Variants in CCAR2 observed in about 807,000 individuals in gnomAD.
CCAR2 encodes the protein cell cycle and apoptosis regulator protein 2.
In CCAR2, 21 loss-of-function variants were observed where a neutral mutation model predicts 108.1. The observed-to-expected ratio is 0.19, with a 90% CI of 0.14 to 0.28. The LOEUF (loss-of-function observed/expected upper bound fraction) is 0.28. CCAR2 is among the 10% of genes least tolerant of loss of function. The probability of loss-of-function intolerance (pLI) is 1.00; values close to 1 mark genes in which losing one functional copy is unlikely to be tolerated. For synonymous variants in CCAR2, 577 were observed against 472.8 expected (o/e 1.22, Z -2.86); for missense variants, 1,126 against 1,177.0 (o/e 0.96, Z 0.63).
Position 22,606,067 on chromosome 8 carries a change from G to A in CCAR2, c.59-18G>A, listed in dbSNP as rs758394879. The A allele has an allele frequency of 6.3e-5, 101 of 1,606,682 alleles. No individual in the cohort carries two copies. Among genetic ancestry groups the A allele is most frequent in the Non-Finnish European group, 8.0e-5 (94 of 1,173,346 alleles). On this transcript the variant is annotated intron_variant, in intron 2 of 20. Transcript: ENST00000308511. ...GTGGTAGGGGCGGTTCCTGGAGATTGCTTCTCTTTCCCCATAGGCACAGCT... is the reference window on the plus strand; with the variant it reads ...GTGGTAGGGGCGGTTCCTGGAGATTACTTCTCTTTCCCCATAGGCACAGCT...
intron 14 of CCAR2, among the ~76,000 whole-genome samples, chr8:22,617,001 C>CCT (rs1018544678): frequency 2.6e-4 from 38 of 148,358 alleles, no homozygotes; most frequent in African/African-American, 9.0e-4. Context: ...CCTGCCTCAG[C>CCT]CTCTCTCCAG....
In CCAR2 at chr8:22,616,144, G is replaced by A. The variant is rs767079535; in HGVS notation, c.1741G>A (p.Glu581Lys). 1 of 1,613,968 alleles carries A rather than the reference G, an allele frequency of 6.2e-7. No individual in the cohort carries two copies. Residue 581 changes from glutamate (E) to lysine (K), a missense_variant, in exon 14 of 21, where the codon GAA becomes AAA. Glu to Lys is a moderately conservative substitution (Grantham distance 56). Coordinates refer to ENST00000308511, the MANE Select transcript of CCAR2 (RefSeq NM_001393997.1). ...PEPEKEEAAK[E>K]EATKEEEAIK... is the part of the protein sequence containing the mutation. ...ACCTGAGAAGGAGGAGGCGGCCAAG[G>A]AAGAAGCCACCAAGGAGGAAGAAGC...
chr8:22,606,217 A>T (rs761908120), intron 3 of CCAR2, 41 bp downstream of exon 3: 2 of 1,432,620 alleles, frequency 1.4e-6, no homozygotes, highest in Admixed American at 1.7e-5. Flanking sequence ...AGCCCTTGGG[A>T]CTGAATGCAT....
chr8:22,605,803 C>T lies in CCAR2; in HGVS notation c.30C>T (p.Asn10=). 6.2e-7 allele frequency: 1 copy of T among 1,614,076 alleles called. No homozygotes were observed. The highest frequency in any genetic ancestry group is 8.5e-7 in the Non-Finnish European group (1 of 1,179,968). The change falls in exon 2 of 21, where the codon AAC becomes AAT. Residue 10 remains asparagine (N), a synonymous_variant. Coordinates refer to ENST00000308511, the MANE Select transcript of CCAR2 (RefSeq NM_001393997.1). MSQFKRQRI[N]PLPGGRNFSG... ...CCCAGTTTAAGCGCCAGCGGATCAA[C>T]CCGCTTCCAGGGGGACGCAACTTCT...
At position 22,607,178 on chromosome 8, in the gene CCAR2, C is replaced by T. The variant is rs201656204; in HGVS notation, c.358-18C>T. 6.2e-7 allele frequency: 1 copy of T among 1,613,204 alleles called. No homozygotes were observed. The highest frequency in any genetic ancestry group is 1.3e-5 in the African/African-American group (1 of 74,978). Reference sequence around the variant, plus strand: ...TCAACCATGGGGTCCCCTGAATTTCCTGGCTCCTGTTCTGCAGCCCCTACT... The same window carrying T: ...TCAACCATGGGGTCCCCTGAATTTCTTGGCTCCTGTTCTGCAGCCCCTACT... On this transcript the variant is annotated intron_variant, in intron 5 of 20. Transcript: ENST00000308511.
chr8:22,606,725 G>A, intron 4 of CCAR2, 27 bp downstream of exon 4: 2 of 1,582,008 alleles, frequency 1.3e-6, no homozygotes, highest in South Asian at 2.2e-5. Context: ...TCCCCTAACG[G>A]AAATGCTTAT....
At chr8:22,605,453 G>GC (rs1801031778) in intron 1 of CCAR2, 1 of 286,914 alleles carries the variant, frequency 3.5e-6, no homozygotes, top group Admixed American at 4.9e-5. Flanking sequence ...TGGTTATGTG[G>GC]CCCCGGGCAA....
Position 22,617,290 on chromosome 8 carries a change from G to A in CCAR2, c.1846-130G>A, listed in dbSNP as rs958084972. ...CTTAATGAAATTAAATACATGAAAT[G>A]AGACGGTATCTGTAGAGCCCTCCAT... is the stretch of plus-strand genomic sequence containing the variant. On this transcript the variant is annotated intron_variant, in intron 14 of 20. Transcript: ENST00000308511. The A allele has an allele frequency of 7.6e-5, 78 of 1,026,840 alleles. 1 individual carries two copies. In the African/African-American group the frequency reaches 1.2e-3, roughly 16 times the overall value. The allele number at this position is 1,026,840 out of a possible 1,614,324, so 63.6% of individuals were successfully genotyped here.
downstream of CCAR2, chr8:22,620,976 G>T (rs77451021): frequency 5.6e-4 from 89 of 157,592 alleles, no homozygotes; most frequent in African/African-American, 2.1e-3. Context: ...ACAGGGTTCA[G>T]GGCCTCTCCC....
Position 22,619,367 on chromosome 8 carries a change from G to A in CCAR2, c.2727+12G>A, listed in dbSNP as rs779609977. On this transcript the variant is annotated intron_variant, in intron 20 of 20. Transcript: ENST00000308511. The stretch of plus-strand genomic sequence containing the variant: ...GGGTGGTGGAAAAGGTAAGGTGGGG[G>A]TGGACCAGGAGGCAGCACAGCTCCT... The A allele has an allele frequency of 6.4e-7, 1 of 1,553,664 alleles. No individual in the cohort carries two copies. Among genetic ancestry groups the A allele is most frequent in the East Asian group, 2.4e-5 (1 of 41,360 alleles).
intron 8 of CCAR2, 75 bp from the exon 9 acceptor site, chr8:22,614,017 T>C: frequency 7.0e-7 from 1 of 1,422,270 alleles, no homozygotes; most frequent in South Asian, 1.2e-5. Context: ...CGCCCATTTT[T>C]TCAAATCTTT....
At position 22,618,499 on chromosome 8, in the gene CCAR2, C is replaced by A. The variant is rs1563927541; in HGVS notation, c.2220+4C>A. Reference sequence around the variant, plus strand: ...GATCCGGCTCAGTGCAGAGCAGGTACCTTCTTTCCTCTGCCCCAGCACATG... The same window carrying A: ...GATCCGGCTCAGTGCAGAGCAGGTAACTTCTTTCCTCTGCCCCAGCACATG... On this transcript the variant is annotated splice_donor_region_variant and intron_variant, in intron 17 of 20. Transcript: ENST00000308511. 6.8e-6 allele frequency: 11 copies of A among 1,614,084 alleles called. No homozygotes were observed. Among genetic ancestry groups the A allele is most frequent in the Middle Eastern group, 3.3e-4 (2 of 6,084 alleles).
At chr8:22,605,081 A>C in intron 1 of CCAR2, 1 of 236,568 alleles carries the variant, frequency 4.2e-6, no homozygotes, top group Non-Finnish European at 8.5e-6. Context: ...CTGCTGGGAG[A>C]CCCGGCGCTG....
intron 10 of CCAR2, 34 bp downstream of exon 10, chr8:22,614,537 C>T (rs200745045): frequency 4.8e-5 from 74 of 1,556,708 alleles, no homozygotes; most frequent in Non-Finnish European, 6.0e-5. Flanking sequence ...GATGCATTCA[C>T]GGGTAATGTG....
chr8:22,615,232 G>A (rs1801453351), intron 11 of CCAR2, 193 bp from the exon 12 acceptor site: 2 of 849,764 alleles, frequency 2.4e-6, no homozygotes, highest in East Asian at 5.3e-5. Context: ...GGGTGCTTGT[G>A]TGGTTGCGGC....
In CCAR2 at chr8:22,615,069, C is replaced by G. The variant is rs539906403; in HGVS notation, c.1205+68C>G. 8.6e-5 allele frequency: 125 copies of G among 1,460,552 alleles called. No individual in the cohort carries two copies. In the East Asian group the frequency reaches 2.9e-3, roughly 34 times the overall value. 90.5% of individuals were successfully genotyped at this position (1,460,552 alleles called of 1,614,324 possible). On this transcript the variant is annotated intron_variant, in intron 11 of 20. Coordinates refer to ENST00000308511, the MANE Select transcript of CCAR2 (RefSeq NM_001393997.1). ...TTGGGGAGGTTTTGTTGGGAAGGCC[C>G]GGTCCCTGCCCCTTTCTGCTGGTTA...
intron 10 of CCAR2, 65 bp from the exon 11 acceptor site, chr8:22,614,773 T>TCA (rs756374181): frequency 6.2e-7 from 1 of 1,602,428 alleles, no homozygotes; most frequent in Non-Finnish European, 8.5e-7. Flanking sequence ...GTGGCAGCCT[T>TCA]GCCCTGCAGT....
intron 20 of CCAR2, 103 bp from the exon 21 acceptor site, chr8:22,619,535 G>T: frequency 7.0e-7 from 1 of 1,436,516 alleles, no homozygotes; most frequent in African/African-American, 1.4e-5. Context: ...TGAGCAGTCA[G>T]CAGCGTGCAG....
chr8:22,614,742 C>T (rs747014379), intron 10 of CCAR2, 96 bp from the exon 11 acceptor site: 46 of 1,497,510 alleles, frequency 3.1e-5, no homozygotes, highest in Admixed American at 7.5e-5. Flanking sequence ...TCCCCACTTC[C>T]GGCTGCCTTC....
Sources: allele counts gnomAD v4.1 joint callset (sites outside exome capture counted in the v4.1 genomes callset), GRCh38; gene constraint gnomAD v4.1.1; transcripts MANE v1.5; gene names NCBI Gene and HGNC (gene_info 2026-07-23, HGNC 2026-07-21).